Variants in TIMP3 observed in about 807,000 individuals in gnomAD.
TIMP3 encodes the protein metalloproteinase inhibitor 3.
A neutral mutation model predicts 30.0 loss-of-function variants in TIMP3; 11 were observed. The ratio of observed to expected loss-of-function variants is 0.37; its 90% CI spans 0.23 to 0.61. The LOEUF (loss-of-function observed/expected upper bound fraction) is 0.61. Ranked by LOEUF, TIMP3 falls within the 20% of genes least tolerant of loss-of-function variation. The probability of loss-of-function intolerance (pLI) is 0.70; values close to 1 mark genes in which losing one functional copy is unlikely to be tolerated. For synonymous variants in TIMP3, 112 were observed against 111.3 expected (o/e 1.01, Z -0.04); for missense variants, 181 against 276.8 (o/e 0.65, Z 2.45).
rs1237739986 is a variant in TIMP3, at chr22:32,837,044, T to C, written c.122-12408T>C. On this transcript the variant is annotated intron_variant, in intron 1 of 4. Transcript: ENST00000266085. The surrounding 1 kb of genome is among the most constrained non-coding windows in gnomAD (Gnocchi z 4.1). ...AATGGTGGACTTGCTCCTAGGCCTA[T>C]CCCAGAGTCCCTCAGCTCTCCTAGC... Among the ~76,000 whole-genome samples the C allele has an allele frequency of 6.6e-6, 1 of 152,150 alleles. No homozygotes were observed. The highest frequency in any genetic ancestry group is 1.5e-5 in the Non-Finnish European group (1 of 68,032).
At chr22:32,802,385 C>T (rs571958848) in intron 1 of TIMP3, among the ~76,000 whole-genome samples, 1 of 152,228 alleles carries the variant, frequency 6.6e-6, no homozygotes, top group East Asian at 1.9e-4. Context: ...GAGGTTCCTA[C>T]CGGTCCTTTT....
intron 1 of TIMP3, among the ~76,000 whole-genome samples, chr22:32,831,847 A>AC (rs932818932): frequency 1.3e-4 from 20 of 150,964 alleles, no homozygotes; most frequent in South Asian, 4.2e-4. Flanking sequence ...ATGTCACTGC[A>AC]CCCCCCCCAA....
intron 1 of TIMP3, among the ~76,000 whole-genome samples, chr22:32,816,873 A>C (rs932243358): frequency 6.6e-6 from 1 of 152,122 alleles, no homozygotes; most frequent in African/African-American, 2.4e-5. Flanking sequence ...GTACTGTGGG[A>C]AGGCCTAAAT....
chr22:32,803,253 T>C (rs1384004400), intron 1 of TIMP3, among the ~76,000 whole-genome samples: 1 of 152,028 alleles, frequency 6.6e-6, no homozygotes, highest in South Asian at 2.1e-4. Flanking sequence ...CGTGTGTGTT[T>C]TAAGTACAGT....
At chr22:32,833,271 C>T (rs1164707912) in intron 1 of TIMP3, among the ~76,000 whole-genome samples, 1 of 152,152 alleles carries the variant, frequency 6.6e-6, no homozygotes, top group East Asian at 1.9e-4. Flanking sequence ...ATGTCATAAG[C>T]AGGGAGAGAC....
intron 1 of TIMP3, among the ~76,000 whole-genome samples, chr22:32,804,590 T>A (rs2046674934): frequency 6.6e-6 from 1 of 152,214 alleles, no homozygotes; most frequent in Non-Finnish European, 1.5e-5. Flanking sequence ...GGCCTGGTCC[T>A]CTCCGGGGGG....
At chr22:32,839,116 T>C (rs1178682754) in intron 1 of TIMP3, among the ~76,000 whole-genome samples, 2 of 151,826 alleles carry the variant, frequency 1.3e-5, no homozygotes, top group African/African-American at 4.8e-5. Context: ...GCAAGGGGCA[T>C]CATAGGACAG....
chr22:32,854,988 G>C (rs575882867), intron 2 of TIMP3, among the ~76,000 whole-genome samples: 2 of 152,120 alleles, frequency 1.3e-5, no homozygotes, highest in Non-Finnish European at 2.9e-5. Flanking sequence ...AGGCCAAATG[G>C]GAGGCATTTA....
At chr22:32,806,768 T>C (rs2046751653) in intron 1 of TIMP3, among the ~76,000 whole-genome samples, 1 of 150,684 alleles carries the variant, frequency 6.6e-6, no homozygotes, top group South Asian at 2.2e-4. Context: ...ATATATCCAT[T>C]TCTATTTATC....
intron 2 of TIMP3, among the ~76,000 whole-genome samples, chr22:32,855,652 C>G (rs1482941556): frequency 6.6e-6 from 1 of 152,170 alleles, no homozygotes; most frequent in Non-Finnish European, 1.5e-5. Flanking sequence ...AACCTCAGTA[C>G]CATTGACATT....
At chr22:32,858,350 C>T (rs2048436076) in intron 4 of TIMP3, among the ~76,000 whole-genome samples, 1 of 152,190 alleles carries the variant, frequency 6.6e-6, no homozygotes, top group Non-Finnish European at 1.5e-5. Flanking sequence ...TGCCTTTCTG[C>T]TGTAATCGGC....
chr22:32,836,327 G>T (rs2047728703), intron 1 of TIMP3, among the ~76,000 whole-genome samples: 1 of 152,158 alleles, frequency 6.6e-6, no homozygotes, highest in East Asian at 1.9e-4. Flanking sequence ...GCACAGACAC[G>T]ATGTTCATAG....
intron 1 of TIMP3, among the ~76,000 whole-genome samples, chr22:32,828,022 G>C (rs1003930386): frequency 6.6e-6 from 1 of 152,106 alleles, no homozygotes; most frequent in African/African-American, 2.4e-5. Context: ...ATCATATTGG[G>C]TATTTGTCTT....
chr22:32,822,793 TG>T lies in TIMP3; in HGVS notation c.121+20673del, dbSNP rs1393064606. ...GATAGAAATGGATTTATTAATATAATGGATGGTCCAAAGAAAGGTGAATGAA... is the reference window on the plus strand; with the variant it reads ...GATAGAAATGGATTTATTAATATAATGATGGTCCAAAGAAAGGTGAATGAA... On this transcript the variant is annotated intron_variant, in intron 1 of 4. Coordinates refer to ENST00000266085, the MANE Select transcript of TIMP3 (RefSeq NM_000362.5). Among the ~76,000 whole-genome samples, 3 of 152,250 alleles carry T rather than the reference TG, an allele frequency of 2.0e-5. No homozygotes were observed. The East Asian group carries it at 5.8e-4, about 29-fold the overall frequency.
chr22:32,821,492 A>G (rs1030401696), intron 1 of TIMP3, among the ~76,000 whole-genome samples: 1 of 152,318 alleles, frequency 6.6e-6, no homozygotes, highest in African/African-American at 2.4e-5. Flanking sequence ...AATATAATGG[A>G]TGGTCCATAG....
intron 2 of TIMP3, among the ~76,000 whole-genome samples, chr22:32,853,201 T>C (rs2048271553): frequency 6.6e-6 from 1 of 152,240 alleles, no homozygotes; most frequent in African/African-American, 2.4e-5. Context: ...CCCGTGGTTC[T>C]TCCTGCCTTA....
intron 1 of TIMP3, among the ~76,000 whole-genome samples, chr22:32,803,900 G>T (rs2046656091): frequency 6.6e-6 from 1 of 152,056 alleles, no homozygotes; most frequent in South Asian, 2.1e-4. Context: ...CTTTGCTTTG[G>T]GGTTTCTACC....
chr22:32,807,680 AAG>A (rs2046802298), intron 1 of TIMP3, among the ~76,000 whole-genome samples: 2 of 150,868 alleles, frequency 1.3e-5, no homozygotes, highest in Non-Finnish European at 2.9e-5. Flanking sequence ...GCCTGTATTT[AAG>A]CCCCTTCACC....
At chr22:32,819,531 G>A (rs2146048035) in intron 1 of TIMP3, among the ~76,000 whole-genome samples, 2 of 152,280 alleles carry the variant, frequency 1.3e-5, no homozygotes, top group Middle Eastern at 6.8e-3. Flanking sequence ...TTCTCTCCTT[G>A]AACACAGGTT....
Sources: gnomAD v4.1 joint callset for allele counts (sites outside exome capture counted in the v4.1 genomes callset) on GRCh38, gnomAD v4.1.1 for gene constraint, Gnocchi (gnomAD v3.1) non-coding constraint, MANE v1.5 for transcripts, NCBI Gene and HGNC (gene_info 2026-07-23, HGNC 2026-07-21) for gene names.